Variants in EXPH5 observed in about 807,000 individuals in gnomAD.
EXPH5 encodes the protein exophilin-5.
EXPH5 carries 42 observed loss-of-function variants against 41.1 expected under a neutral mutation model. That is an observed-to-expected ratio of 1.02 (90% CI 0.80 to 1.32). The LOEUF is 1.32. Ranked by LOEUF, EXPH5 falls within the 40% of genes most tolerant of loss-of-function variation. The pLI is 0.00. For synonymous variants in EXPH5, 798 were observed against 833.5 expected, an observed-to-expected ratio of 0.96 and a Z score of 0.73; for missense variants, 2,298 against 2,314.5, an observed-to-expected ratio of 0.99 and a Z score of 0.15.
intron 3 of EXPH5, among the ~76,000 whole-genome samples, chr11:108,532,076 T>C (rs1421670426): frequency 6.6e-6 from 1 of 152,000 alleles, no homozygotes; most frequent in Non-Finnish European, 1.5e-5. Context: ...CCATTTGTTC[T>C]CAGGTGAAAG....
At chr11:108,526,166 T>G (rs1231298994) in intron 4 of EXPH5, among the ~76,000 whole-genome samples, 2 of 152,048 alleles carry the variant, frequency 1.3e-5, no homozygotes, top group African/African-American at 4.8e-5. Flanking sequence ...CAATCAATCC[T>G]CCCACCTTGG....
In EXPH5 at chr11:108,593,346, G is replaced by T. The variant is rs565391599; in HGVS notation, c.119+72C>A. The T allele has an allele frequency of 6.6e-5, 92 of 1,398,692 alleles. 3 individuals carry two copies. In the South Asian group the frequency reaches 1.1e-3, roughly 16 times the overall value. 86.6% of individuals were successfully genotyped at this position (1,398,692 alleles called of 1,614,324 possible). On this transcript the variant is annotated intron_variant, in intron 1 of 5. Transcript: ENST00000265843. ...CGGGCAGGTGCCCCGCGCGAGCTCA[G>T]CGCCTTCCCCGCGGATCCCCGGCCC...
rs2135924347 is a variant in EXPH5, at chr11:108,513,559, T to TG, written c.1947dup (p.Thr650HisfsTer11). Reference sequence around the variant, plus strand: ...GGAAAAATTTTCTGCAAAGTGACTGTGGGATTCTGCAAGTTGGGACTCTGA... The same window carrying TG: ...GGAAAAATTTTCTGCAAAGTGACTGTGGGGATTCTGCAAGTTGGGACTCTGA... On this transcript the variant is annotated frameshift_variant, in exon 6 of 6. Coordinates refer to ENST00000265843, the MANE Select transcript of EXPH5 (RefSeq NM_015065.3). LOFTEE classifies it low-confidence loss of function (END_TRUNC). 28 of 1,614,202 alleles carry TG rather than the reference T, an allele frequency of 1.7e-5. No individual in the cohort carries two copies. Among genetic ancestry groups the TG allele is most frequent in the Non-Finnish European group, 2.4e-5 (28 of 1,180,038 alleles).
In EXPH5 at chr11:108,509,960, G is replaced by A. The variant is rs2093666075; in HGVS notation, c.5547C>T (p.Phe1849=). 2 of 1,613,152 alleles carry A rather than the reference G, an allele frequency of 1.2e-6. No homozygotes were observed. The highest frequency in any genetic ancestry group is 2.7e-5 in the African/African-American group (2 of 74,988). The part of the protein sequence containing the change: ...FSVNNGYSRR[F]RSFSELPSCD... ...AGGAGGGGAGTTCAGAAAAAGATCT[G>A]AATCTTCGACTGTACCCATTGTTGA... is the stretch of plus-strand genomic sequence containing the variant. The change falls in exon 6 of 6, where the codon TTC becomes TTT. Residue 1849 remains phenylalanine (F), a synonymous_variant. Transcript: ENST00000265843.
At position 108,509,989 on chromosome 11, in the gene EXPH5, A is replaced by C. The variant is rs753400607; in HGVS notation, c.5518T>G (p.Ser1840Ala). Residue 1840 changes from serine to alanine, a missense_variant, in exon 6 of 6, where the codon TCT becomes GCT. Coordinates refer to ENST00000265843, the MANE Select transcript of EXPH5 (RefSeq NM_015065.3). ...CTTCGACTGTACCCATTGTTGACAG[A>C]GAATTCATTCCCAAGGGTCAGTCGA... is the stretch of plus-strand genomic sequence containing the variant. ...LSRLTLGNEF[S>A]VNNGYSRRFR... is the part of the protein sequence containing the mutation. The C allele has an allele frequency of 1.2e-6, 2 of 1,613,792 alleles. No individual in the cohort carries two copies. The highest frequency in any genetic ancestry group is 1.7e-6 in the Non-Finnish European group (2 of 1,179,948).
At chr11:108,598,571 G>A (rs1174025086), upstream of EXPH5, among the ~76,000 whole-genome samples, 8 of 152,170 alleles carry the variant, frequency 5.3e-5, no homozygotes, top group African/African-American at 1.9e-4. Flanking sequence ...CTGAAGAGGA[G>A]GGGATAATCT....
At chr11:108,568,836 C>T (rs1364726414) in intron 1 of EXPH5, among the ~76,000 whole-genome samples, 1 of 152,160 alleles carries the variant, frequency 6.6e-6, no homozygotes, top group East Asian at 1.9e-4. Context: ...AATCACTTGC[C>T]TTCTCTTCCT....
chr11:108,510,950 A>G lies in EXPH5; in HGVS notation c.4557T>C (p.Leu1519=). 6.2e-7 allele frequency: 1 copy of G among 1,614,084 alleles called. No individual in the cohort carries two copies. The highest frequency in any genetic ancestry group is 8.5e-7 in the Non-Finnish European group (1 of 1,179,984). ...ALTPALHKLQ[L]GEETQSDEPN... is the part of the protein sequence containing the mutation. The stretch of plus-strand genomic sequence containing the variant: ...GTTCATCTGACTGAGTCTCCTCACC[A>G]AGCTGTAGTTTATGCAATGCTGGAG... The change falls in exon 6 of 6, where the codon CTT becomes CTC. Residue 1519 remains leucine, a synonymous_variant. Coordinates refer to ENST00000265843, the MANE Select transcript of EXPH5 (RefSeq NM_015065.3).
In EXPH5 at chr11:108,511,345, T is replaced by G; in HGVS notation, c.4162A>C (p.Lys1388Gln). The G allele has an allele frequency of 6.3e-7, 1 of 1,579,682 alleles. No homozygotes were observed. Among genetic ancestry groups the G allele is most frequent in the Non-Finnish European group, 8.6e-7 (1 of 1,167,246 alleles). ...DSENKKERGK[K>Q]LQSETLHTSL... Reference sequence around the variant, plus strand: ...GTATGCAGGGTTTCACTTTGCAACTTTTTGCCTCTTTCCTTCTTGTTTTCT... The same window carrying G: ...GTATGCAGGGTTTCACTTTGCAACTGTTTGCCTCTTTCCTTCTTGTTTTCT... The change falls in exon 6 of 6, where the codon AAG becomes CAG. Residue 1388 changes from lysine (K) to glutamine (Q), a missense_variant. Lys to Gln is a moderately conservative substitution (Grantham distance 53, BLOSUM62 1). Coordinates refer to ENST00000265843, the MANE Select transcript of EXPH5 (RefSeq NM_015065.3).
In EXPH5 at chr11:108,513,398, T is replaced by G; in HGVS notation, c.2109A>C (p.Leu703Phe). 1 of 1,613,866 alleles carries G rather than the reference T, an allele frequency of 6.2e-7. No individual in the cohort carries two copies. The highest frequency in any genetic ancestry group is 8.5e-7 in the Non-Finnish European group (1 of 1,179,938). ...TGTCTTCTTCTGAAATAGATTCATT[T>G]AAGTCTTTCTCATTATTTACTTCTG... ...LVTEVNNEKD[L>F]NESISEEDKQ... The change falls in exon 6 of 6, where the codon TTA becomes TTC. Residue 703 changes from leucine to phenylalanine, a missense_variant. Physicochemically the swap from Leu to Phe is conservative, Grantham distance 22. Coordinates refer to ENST00000265843, the MANE Select transcript of EXPH5 (RefSeq NM_015065.3).
At chr11:108,522,302 G>A (rs2093770187) in intron 4 of EXPH5, among the ~76,000 whole-genome samples, 1 of 152,024 alleles carries the variant, frequency 6.6e-6, no homozygotes, top group Non-Finnish European at 1.5e-5. Context: ...CTATGTGTGA[G>A]ATATTATTAT....
chr11:108,508,366 G>A lies in EXPH5; in HGVS notation c.*1171C>T, dbSNP rs112746994. 3,545 of 152,482 alleles carry A rather than the reference G, an allele frequency of 0.023. 53 individuals are homozygous for A. Among genetic ancestry groups the A allele is most frequent in the Admixed American group, 0.042 (642 of 15,292 alleles). The allele number at this position is 152,482 out of a possible 1,614,324, so 9.4% of individuals were successfully genotyped here. On this transcript the variant is annotated 3_prime_UTR_variant, in exon 6 of 6. Transcript: ENST00000265843. ...AAAAATATTAGCTGGGCGTGGCAGC[G>A]TGCGCCTGGGTGCGCCTGTGATCCC... is the stretch of plus-strand genomic sequence containing the variant.
intron 3 of EXPH5, among the ~76,000 whole-genome samples, chr11:108,532,339 G>GAGAT (rs1471861001): frequency 4.3e-5 from 1 of 23,444 alleles, no homozygotes; most frequent in East Asian, 7.9e-4. Context: ...CACCACACTG[G>GAGAT]ATATATATAT....
chr11:108,513,794 G>A lies in EXPH5; in HGVS notation c.1713C>T (p.Thr571=), dbSNP rs569013902. 1.9e-6 allele frequency: 3 copies of A among 1,600,654 alleles called. No individual in the cohort carries two copies. The highest frequency in any genetic ancestry group is 2.7e-5 in the African/African-American group (2 of 74,486). ...GTGTGCCAAAATGAGGAGTCAACTG[G>A]GTCTCATTACCATGTGATACCACCA... ...DSMVVSHGNE[T]QLTPHFGTPN... is the part of the protein sequence containing the mutation. Residue 571 remains threonine (T), a synonymous_variant, in exon 6 of 6, where the codon ACC becomes ACT. Coordinates refer to ENST00000265843, the MANE Select transcript of EXPH5 (RefSeq NM_015065.3).
chr11:108,509,557 C>T lies in EXPH5; in HGVS notation c.5950G>A (p.Asp1984Asn). 1 of 1,557,768 alleles carries T rather than the reference C, an allele frequency of 6.4e-7. No individual in the cohort carries two copies. Residue 1984 changes from aspartate to asparagine, a missense_variant, in exon 6 of 6, where the codon GAC becomes AAC. Asp to Asn is a conservative substitution (Grantham distance 23). Coordinates refer to ENST00000265843, the MANE Select transcript of EXPH5 (RefSeq NM_015065.3). ...AAGCCTCACAGTTCTGACTCTTTGT[C>T]ATTTTCATCCAGGTAGTATTCATCA... ...TDDEYYLDEN[D>N]KESEL
At chr11:108,534,211 TAAAAATCATCAATG>T (rs2093863446) in intron 3 of EXPH5, among the ~76,000 whole-genome samples, 1 of 152,240 alleles carries the variant, frequency 6.6e-6, no homozygotes. Context: ...CTTCTCTGTT[TAAAAATCATCAATG>T]GATGCATGTA....
At chr11:108,528,746 A>T (rs1221172792) in intron 3 of EXPH5, among the ~76,000 whole-genome samples, 1 of 118,240 alleles carries the variant, frequency 8.5e-6, no homozygotes, top group East Asian at 2.5e-4. Flanking sequence ...TTTGTCGCCC[A>T]GGCTGGAGTG....
upstream of EXPH5, among the ~76,000 whole-genome samples, chr11:108,595,983 C>T (rs1316022335): frequency 2.6e-5 from 4 of 152,068 alleles, no homozygotes; most frequent in Non-Finnish European, 5.9e-5. Context: ...GGGCAGATCA[C>T]GAGGTCAGGA....
At chr11:108,520,803 A>T (rs2093760266) in intron 4 of EXPH5, among the ~76,000 whole-genome samples, 1 of 152,180 alleles carries the variant, frequency 6.6e-6, no homozygotes, top group African/African-American at 2.4e-5. Context: ...TCCTGACCTC[A>T]GGCAATCCTC....
Sources: allele counts gnomAD v4.1 joint callset (sites outside exome capture counted in the v4.1 genomes callset), GRCh38; gene constraint gnomAD v4.1.1; transcripts MANE v1.5; gene names NCBI Gene and HGNC (gene_info 2026-07-23, HGNC 2026-07-21).